Variants in MYO1E observed in about 807,000 individuals in gnomAD.
MYO1E encodes the protein myosin IE.
MYO1E carries 68 observed loss-of-function variants against 151.1 expected under a neutral mutation model. That is an observed-to-expected ratio of 0.45 (90% CI 0.37 to 0.55). MYO1E has a LOEUF of 0.55. MYO1E is among the 20% of genes least tolerant of loss of function. The pLI, the probability that MYO1E is intolerant of heterozygous loss-of-function variation, is 0.00. For synonymous variants in MYO1E, 601 were observed against 501.7 expected (o/e 1.20, Z -2.64); for missense variants, 1,363 against 1,389.3 (o/e 0.98, Z 0.30).
At chr15:59,371,771 A>G (rs537060862) in intron 1 of MYO1E, among the ~76,000 whole-genome samples, 1 of 152,054 alleles carries the variant, frequency 6.6e-6, no homozygotes, top group Non-Finnish European at 1.5e-5. Context: ...GGAGGTGTTT[A>G]CTTGGCGTCC....
intron 1 of MYO1E, among the ~76,000 whole-genome samples, chr15:59,273,336 C>T (rs902741950): frequency 3.3e-5 from 5 of 151,686 alleles, no homozygotes; most frequent in Non-Finnish European, 7.4e-5. Context: ...TTATGGCACA[C>T]TTGGGGAGCT....
chr15:59,232,033 C>CTGTCAA (rs2080031554), intron 5 of MYO1E, among the ~76,000 whole-genome samples: 1 of 152,184 alleles, frequency 6.6e-6, no homozygotes, highest in African/African-American at 2.4e-5. Flanking sequence ...CAGGGCCCCA[C>CTGTCAA]TGTCAATCAG....
intron 24 of MYO1E, among the ~76,000 whole-genome samples, chr15:59,160,754 G>A (rs980813344): frequency 5.9e-5 from 9 of 152,026 alleles, no homozygotes; most frequent in Admixed American, 2.6e-4. Flanking sequence ...AGAGGATGAT[G>A]TTGGTATTGT....
chr15:59,220,274 C>G lies in MYO1E; in HGVS notation c.911-2187G>C, dbSNP rs1444513833. 3.3e-5 allele frequency among the ~76,000 whole-genome samples: 5 copies of G among 152,268 alleles called. No individual in the cohort carries two copies. The East Asian group carries it at 7.7e-4, about 24-fold the overall frequency. On this transcript the variant is annotated intron_variant, in intron 9 of 27. Coordinates refer to ENST00000288235, the MANE Select transcript of MYO1E (RefSeq NM_004998.4). ...GACTAGCCTGGTCAACGTGGCAAAA[C>G]CCCATCTCTACTAAAAATACAAAAG... is the stretch of plus-strand genomic sequence containing the variant.
At position 59,137,109 on chromosome 15, in the gene MYO1E, A is replaced by G. The variant is rs2079377856; in HGVS notation, c.*271T>C. 4.1e-6 allele frequency: 2 copies of G among 487,146 alleles called. No individual in the cohort carries two copies. The highest frequency in any genetic ancestry group is 3.9e-5 in the African/African-American group (2 of 51,272). The allele number at this position is 487,146 out of a possible 1,614,324, so 30.2% of individuals were successfully genotyped here. On this transcript the variant is annotated 3_prime_UTR_variant, in exon 28 of 28. Coordinates refer to ENST00000288235, the MANE Select transcript of MYO1E (RefSeq NM_004998.4). ...AGCAGACCTCACTTGTCCTCTCACC[A>G]GGTTTAAATACAATAAATAAATCTT... is the stretch of plus-strand genomic sequence containing the variant.
chr15:59,351,552 T>C (rs1223092683), intron 1 of MYO1E, among the ~76,000 whole-genome samples: 1 of 152,062 alleles, frequency 6.6e-6, no homozygotes, highest in East Asian at 1.9e-4. Flanking sequence ...TGAGGAAGAG[T>C]GACAGATGCA....
chr15:59,250,405 G>A (rs1428072229), intron 4 of MYO1E, among the ~76,000 whole-genome samples: 2 of 152,154 alleles, frequency 1.3e-5, no homozygotes, highest in Admixed American at 6.5e-5. Flanking sequence ...GCAATACTGT[G>A]AGTATTGTCA....
chr15:59,160,295 T>G (rs2079530103), intron 24 of MYO1E, among the ~76,000 whole-genome samples: 1 of 150,328 alleles, frequency 6.7e-6, no homozygotes, highest in South Asian at 2.1e-4. Context: ...AATACAAAAA[T>G]AAAGGCCAGG....
intron 10 of MYO1E, among the ~76,000 whole-genome samples, chr15:59,216,436 T>C (rs2079914642): frequency 1.3e-5 from 2 of 151,750 alleles, no homozygotes; most frequent in South Asian, 4.2e-4. Context: ...TCTATATAAG[T>C]GCCTGCTATT....
At chr15:59,252,708 C>A (rs1177568504) in intron 4 of MYO1E, among the ~76,000 whole-genome samples, 4 of 138,052 alleles carry the variant, frequency 2.9e-5, no homozygotes, top group African/African-American at 1.1e-4. Flanking sequence ...GAGTGAGACT[C>A]TGTCTCAAAA....
chr15:59,322,899 C>G (rs1161128153), intron 1 of MYO1E, among the ~76,000 whole-genome samples: 1 of 151,794 alleles, frequency 6.6e-6, no homozygotes, highest in Non-Finnish European at 1.5e-5. Flanking sequence ...CGGTGGCTTA[C>G]GCCTACAATT....
chr15:59,163,218 G>C lies in MYO1E; in HGVS notation c.2566C>G (p.Leu856Val), dbSNP rs1157954291. ...TTCTCCTCGTAACGCTTTGCTAAGA[G>C]GCTTAGGAATTCAGTTTTGAAGACA... ...ESVFKTEFLS[L>V]LAKRYEEKTQ... The change falls in exon 23 of 28, where the codon CTC becomes GTC. Residue 856 changes from leucine (L) to valine (V), a missense_variant. Physicochemically the swap from Leu to Val is conservative, Grantham distance 32. Coordinates refer to ENST00000288235, the MANE Select transcript of MYO1E (RefSeq NM_004998.4). 6 of 1,614,024 alleles carry C rather than the reference G, an allele frequency of 3.7e-6. No individual in the cohort carries two copies. The highest frequency in any genetic ancestry group is 5.1e-6 in the Non-Finnish European group (6 of 1,180,012).
intron 18 of MYO1E, 24 bp from the exon 19 acceptor site, chr15:59,178,561 G>A (rs756507155): frequency 6.2e-7 from 1 of 1,613,292 alleles, no homozygotes; most frequent in South Asian, 1.1e-5. Flanking sequence ...GGGGAGAAGA[G>A]AATCACACTT....
At chr15:59,216,664 G>A (rs866060650) in intron 10 of MYO1E, among the ~76,000 whole-genome samples, 2 of 14,718 alleles carry the variant, frequency 1.4e-4, no homozygotes, top group African/African-American at 3.8e-4. Flanking sequence ...GTGTGTGTAT[G>A]TGTATATATA....
Position 59,223,202 on chromosome 15 carries a change from A to T in MYO1E, c.778-11T>A, listed in dbSNP as rs2079967196. 1.2e-6 allele frequency: 2 copies of T among 1,614,202 alleles called. No individual in the cohort carries two copies. The highest frequency in any genetic ancestry group is 4.5e-5 in the East Asian group (2 of 44,892). ...CACATTCATGGCGTGCTGGAAGAGAAAAGAGAAACTATCCAGAGAAGCTGG... is the reference window on the plus strand; with the variant it reads ...CACATTCATGGCGTGCTGGAAGAGATAAGAGAAACTATCCAGAGAAGCTGG... On this transcript the variant is annotated splice_polypyrimidine_tract_variant and intron_variant, in intron 8 of 27. Transcript: ENST00000288235.
chr15:59,259,714 T>G (rs1451345291), intron 3 of MYO1E, among the ~76,000 whole-genome samples: 1 of 152,250 alleles, frequency 6.6e-6, no homozygotes, highest in Non-Finnish European at 1.5e-5. Flanking sequence ...CTGTCATACT[T>G]GACCTTTGCA....
Position 59,172,027 on chromosome 15 carries a change from G to C in MYO1E, c.2350C>G (p.Leu784Val), listed in dbSNP as rs376462389. The change falls in exon 22 of 28, where the codon CTG becomes GTG. Residue 784 changes from leucine (L) to valine (V), a missense_variant. Physicochemically the swap from Leu to Val is conservative, Grantham distance 32. Transcript: ENST00000288235. ...TACAAGCACTTTGGGGTAAGGAGCA[G>C]GTCTCGCTTTACACCCTGTAAGGAG... is the stretch of plus-strand genomic sequence containing the variant. ...DRRFKGVKRDLLLTPKCLYLI... is the reference protein window; with the variant it reads ...DRRFKGVKRDVLLTPKCLYLI... 6.2e-7 allele frequency: 1 copy of C among 1,614,004 alleles called. No individual in the cohort carries two copies. The highest frequency in any genetic ancestry group is 1.3e-5 in the African/African-American group (1 of 74,928).
chr15:59,193,272 T>G (rs1274075946), intron 17 of MYO1E, among the ~76,000 whole-genome samples: 2 of 152,184 alleles, frequency 1.3e-5, no homozygotes, highest in African/African-American at 4.8e-5. Flanking sequence ...TGGGAACCAA[T>G]GTAAGAGAGC....
At chr15:59,183,752 G>A (rs1318415907) in intron 18 of MYO1E, among the ~76,000 whole-genome samples, 1 of 152,028 alleles carries the variant, frequency 6.6e-6, no homozygotes, top group Non-Finnish European at 1.5e-5. Context: ...TCACCCAGTT[G>A]TGCTAGGAAA....
Sources: gnomAD v4.1 joint callset for allele counts (sites outside exome capture counted in the v4.1 genomes callset) on GRCh38, gnomAD v4.1.1 for gene constraint, MANE v1.5 for transcripts, NCBI Gene and HGNC (gene_info 2026-07-23, HGNC 2026-07-21) for gene names.